Variants in HPGDS observed in about 807,000 individuals in gnomAD.
The protein encoded by HPGDS is hematopoietic prostaglandin D synthase, also known as GST class-sigma.
In HPGDS, 26 loss-of-function variants were observed where a neutral mutation model predicts 23.1. That is an observed-to-expected ratio of 1.13 (90% CI 0.83 to 1.56). The LOEUF (loss-of-function observed/expected upper bound fraction) is 1.56, where lower values mean the gene tolerates loss of function less well. Ranked by LOEUF, HPGDS falls within the 40% of genes most tolerant of loss-of-function variation. The probability of loss-of-function intolerance (pLI) is 0.00; values close to 1 mark genes in which losing one functional copy is unlikely to be tolerated. For missense variants in HPGDS, 268 were observed against 236.4 expected (o/e 1.13, Z -0.88); for synonymous variants, 95 against 77.9 (o/e 1.22, Z -1.16).
intron 3 of HPGDS, among the ~76,000 whole-genome samples, chr4:94,313,358 GC>G (rs1449489986): frequency 3.3e-5 from 5 of 152,158 alleles, no homozygotes; most frequent in Non-Finnish European, 7.3e-5. Context: ...CTCAGCATTT[GC>G]TTGTCTGGAA....
intron 4 of HPGDS, among the ~76,000 whole-genome samples, chr4:94,303,460 C>G (rs1389405814): frequency 6.6e-6 from 1 of 152,118 alleles, no homozygotes; most frequent in African/African-American, 2.4e-5. Context: ...ATAAGGGATA[C>G]TCAACATGTA....
At position 94,311,317 on chromosome 4, in the gene HPGDS, A is replaced by G. The variant is rs1288732621; in HGVS notation, c.227-2574T>C. On this transcript the variant is annotated intron_variant, in intron 3 of 5. Transcript: ENST00000295256. Reference sequence around the variant, plus strand: ...CTATTTTGAGATACGTCCCATCTATACCTAATTTATTGAGAGTTTTTAGCA... The same window carrying G: ...CTATTTTGAGATACGTCCCATCTATGCCTAATTTATTGAGAGTTTTTAGCA... Among the ~76,000 whole-genome samples the G allele has an allele frequency of 4.6e-5, 7 of 151,362 alleles. No homozygotes were observed. In the East Asian group the frequency reaches 1.2e-3, roughly 25 times the overall value.
intron 2 of HPGDS, among the ~76,000 whole-genome samples, chr4:94,320,135 C>T (rs1756474151): frequency 6.6e-6 from 1 of 152,138 alleles, no homozygotes; most frequent in African/African-American, 2.4e-5. Flanking sequence ...TATATATGTA[C>T]TACATTTTCT....
chr4:94,321,410 C>T (rs1361838198), intron 2 of HPGDS, among the ~76,000 whole-genome samples: 1 of 152,152 alleles, frequency 6.6e-6, no homozygotes, highest in Non-Finnish European at 1.5e-5. Context: ...GAATGTTCTT[C>T]CATTTGTTTG....
rs539945963 is a variant in HPGDS at position 94,336,015 on chromosome 4, G to A, written c.-9-1377C>T. Among the ~76,000 whole-genome samples the A allele has an allele frequency of 3.0e-3, 457 of 152,168 alleles. 4 individuals carry two copies. Among genetic ancestry groups the A allele is most frequent in the African/African-American group, 0.01 (434 of 41,504 alleles). ...GAAGCCAGGAGTTCGAGACCAGCCT[G>A]GCCAACATGGTGAAACCCCATCTCT... On this transcript the variant is annotated intron_variant, in intron 1 of 5. Transcript: ENST00000295256.
chr4:94,308,038 T>C (rs927234351), intron 4 of HPGDS, among the ~76,000 whole-genome samples: 1 of 152,138 alleles, frequency 6.6e-6, no homozygotes, highest in East Asian at 1.9e-4. Flanking sequence ...CCAGACTTTT[T>C]CAGATTTTGG....
intron 1 of HPGDS, among the ~76,000 whole-genome samples, chr4:94,341,425 A>C (rs1351677484): frequency 2.0e-5 from 3 of 152,226 alleles, no homozygotes; most frequent in Non-Finnish European, 4.4e-5. Flanking sequence ...AGGCTAATCA[A>C]TATCCAATGC....
chr4:94,337,543 C>T (rs751539255), intron 1 of HPGDS, among the ~76,000 whole-genome samples: 3 of 151,842 alleles, frequency 2.0e-5, no homozygotes, highest in Middle Eastern at 3.4e-3. Flanking sequence ...GGGGTGGTGG[C>T]GGGCGCCTGT....
intron 2 of HPGDS, among the ~76,000 whole-genome samples, chr4:94,323,200 G>A (rs1756553017): frequency 6.6e-6 from 1 of 152,116 alleles, no homozygotes; most frequent in African/African-American, 2.4e-5. Flanking sequence ...GTCAATTTTG[G>A]AATAAGTGTG....
rs114585889 is a variant in HPGDS at position 94,330,532 on chromosome 4, G to T, written c.133+3965C>A. Among the ~76,000 whole-genome samples, 670 of 152,136 alleles carry T rather than the reference G, an allele frequency of 4.4e-3. 4 individuals carry two copies. The highest frequency in any genetic ancestry group is 0.016 in the African/African-American group (655 of 41,500). ...GTTCTCCATGGATTAAAATTATTAA[G>T]TACAAGACCAATCTATGAAAGCTAT... On this transcript the variant is annotated intron_variant, in intron 2 of 5. Transcript: ENST00000295256.
In HPGDS at chr4:94,320,969, C is replaced by T. The variant is rs552887083; in HGVS notation, c.134-3004G>A. Among the ~76,000 whole-genome samples the T allele has an allele frequency of 1.6e-4, 25 of 152,268 alleles. No individual in the cohort carries two copies. In the South Asian group the frequency reaches 5.2e-3, roughly 32 times the overall value. On this transcript the variant is annotated intron_variant, in intron 2 of 5. Transcript: ENST00000295256. ...GTGTAAGGAAGGGATCCAGTTTCAG[C>T]TTTCTCCATATGGCTAGCCAGTTTT...
intron 2 of HPGDS, among the ~76,000 whole-genome samples, chr4:94,321,113 T>C (rs1756498612): frequency 6.6e-6 from 1 of 152,180 alleles, no homozygotes; most frequent in Admixed American, 6.5e-5. Context: ...TTCTGTTCCA[T>C]TGGTCTATAT....
At chr4:94,325,496 C>A (rs1446026573) in intron 2 of HPGDS, among the ~76,000 whole-genome samples, 1 of 152,190 alleles carries the variant, frequency 6.6e-6, no homozygotes, top group Non-Finnish European at 1.5e-5. Flanking sequence ...ATGGCAGACA[C>A]CCCTCCCCCA....
chr4:94,307,316 A>T (rs1329414397), intron 4 of HPGDS, among the ~76,000 whole-genome samples: 1 of 152,014 alleles, frequency 6.6e-6, no homozygotes, highest in Non-Finnish European at 1.5e-5. Context: ...ATAAAAAAAA[A>T]AAAAAAATCC....
intron 2 of HPGDS, among the ~76,000 whole-genome samples, chr4:94,323,954 G>T (rs1579442429): frequency 6.6e-6 from 1 of 152,080 alleles, no homozygotes; most frequent in South Asian, 2.1e-4. Context: ...AAGCAGACCT[G>T]GTATTGACAA....
At chr4:94,321,560 T>C (rs1389003603) in intron 2 of HPGDS, among the ~76,000 whole-genome samples, 2 of 152,244 alleles carry the variant, frequency 1.3e-5, no homozygotes, top group East Asian at 3.8e-4. Flanking sequence ...TTTGGCTCTC[T>C]GTTTGTCTGT....
intron 2 of HPGDS, among the ~76,000 whole-genome samples, chr4:94,330,335 G>T (rs1045605692): frequency 6.6e-6 from 1 of 152,176 alleles, no homozygotes; most frequent in Non-Finnish European, 1.5e-5. Context: ...CTAGTTAGAG[G>T]TACAGATGCA....
In HPGDS at chr4:94,310,890, T is replaced by C. The variant is rs1756254055; in HGVS notation, c.227-2147A>G. On this transcript the variant is annotated intron_variant, in intron 3 of 5. Coordinates refer to ENST00000295256, the MANE Select transcript of HPGDS (RefSeq NM_014485.3). ...TGGATTCCTAGGTATTTTATTCTCTTTGAAGCAATTGTGAATGGGAGTTCA... is the reference window on the plus strand; with the variant it reads ...TGGATTCCTAGGTATTTTATTCTCTCTGAAGCAATTGTGAATGGGAGTTCA... Among the ~76,000 whole-genome samples the C allele has an allele frequency of 2.0e-5, 3 of 152,208 alleles. No homozygotes were observed. The South Asian group carries it at 6.2e-4, about 31-fold the overall frequency.
chr4:94,326,383 A>G (rs1410906576), intron 2 of HPGDS, among the ~76,000 whole-genome samples: 1 of 152,188 alleles, frequency 6.6e-6, no homozygotes, highest in Non-Finnish European at 1.5e-5. Flanking sequence ...ATGATGTAAT[A>G]CAGGCTTTCT....
Sources: allele counts gnomAD v4.1 joint callset (sites outside exome capture counted in the v4.1 genomes callset), GRCh38; gene constraint gnomAD v4.1.1; transcripts MANE v1.5; gene names NCBI Gene and HGNC (gene_info 2026-07-23, HGNC 2026-07-21).